Variants in ATP5MC2 observed in about 807,000 individuals in gnomAD.
ATP5MC2 encodes the protein ATP synthase F(0) complex subunit C2, mitochondrial.
In ATP5MC2, 11 loss-of-function variants were observed where a neutral mutation model predicts 13.5. The ratio of observed to expected loss-of-function variants is 0.81; its 90% confidence interval spans 0.51 to 1.35. ATP5MC2 has a LOEUF of 1.35. Among genes scored for constraint, ATP5MC2 ranks in the 40% most tolerant of loss-of-function variants. ATP5MC2 has a pLI of 0.00. For missense variants in ATP5MC2, 132 were observed against 175.0 expected (o/e 0.75, Z 1.39); for synonymous variants, 64 against 69.7 (o/e 0.92, Z 0.41).
intron 4 of ATP5MC2, 81 bp downstream of exon 4, chr12:53,669,067 A>G: frequency 1.3e-6 from 2 of 1,502,934 alleles, no homozygotes; most frequent in Non-Finnish European, 1.8e-6. Flanking sequence ...AGTGTGGGAT[A>G]GTATAGTTCT....
chr12:53,666,557 G>A lies in ATP5MC2; in HGVS notation c.312-1129C>T, dbSNP rs1944919394. ...GCAGCCACTGTACTCCAGCCTGGGCGACAGAGCAAGACTCTGTCTCAAAAA... is the reference window on the plus strand; with the variant it reads ...GCAGCCACTGTACTCCAGCCTGGGCAACAGAGCAAGACTCTGTCTCAAAAA... On this transcript the variant is annotated intron_variant, in intron 4 of 4. Coordinates refer to ENST00000394349, the MANE Select transcript of ATP5MC2 (RefSeq NM_005176.7). Among the ~76,000 whole-genome samples the A allele has an allele frequency of 4.0e-5, 6 of 148,322 alleles. No homozygotes were observed. In the South Asian group the frequency reaches 1.1e-3, roughly 26 times the overall value.
chr12:53,669,016 AAAAC>A (rs148475150), intron 4 of ATP5MC2, 128 bp downstream of exon 4: 16,729 of 1,291,238 alleles, frequency 0.013, 632 homozygotes, highest in African/African-American at 0.13. Flanking sequence ...TTACTGTCTC[AAAAC>A]AAACAAACAA....
At chr12:53,665,456 A>G in intron 4 of ATP5MC2, 28 bp from the exon 5 acceptor site, 1 of 1,539,254 alleles carries the variant, frequency 6.5e-7, no homozygotes, top group African/African-American at 1.4e-5. Context: ...GAAAAGACTG[A>G]ATTTCTAGTT....
chr12:53,670,608 G>GTTCC (rs1945067836), intron 2 of ATP5MC2, among the ~76,000 whole-genome samples: 1 of 151,736 alleles, frequency 6.6e-6, no homozygotes, highest in Non-Finnish European at 1.5e-5. Flanking sequence ...TCGAAGTATG[G>GTTCC]TTTCTTTCTT....
At chr12:53,672,748 T>A in intron 1 of ATP5MC2, 103 bp from the exon 2 acceptor site, 1 of 1,029,540 alleles carries the variant, frequency 9.7e-7, no homozygotes, top group Non-Finnish European at 1.4e-6. Context: ...CAGAAAACAG[T>A]GACTGACCTT....
chr12:53,676,101 C>T (rs371392370), upstream of ATP5MC2: 2 of 1,614,248 alleles, frequency 1.2e-6, no homozygotes, highest in South Asian at 1.1e-5. Context: ...GCGGGAAGAG[C>T]GAAAGGAAGG....
At chr12:53,673,035 G>A (rs556233012) in intron 1 of ATP5MC2, 14 of 180,024 alleles carry the variant, frequency 7.8e-5, no homozygotes, top group Non-Finnish European at 1.4e-4. Context: ...AAAAGTTGCC[G>A]TTTAGGCTGG....
At chr12:53,667,965 ATATATATATATATATATATATATATATAT>A (rs1944974750) in intron 4 of ATP5MC2, among the ~76,000 whole-genome samples, 1 of 44,226 alleles carries the variant, frequency 2.3e-5, no homozygotes, top group Non-Finnish European at 3.9e-5. Context: ...ACATATATAT[ATATATATATATATATATATATATATATAT>A]AAATTTTTTT....
At chr12:53,665,784 C>G (rs1944896812) in intron 4 of ATP5MC2, among the ~76,000 whole-genome samples, 1 of 114,380 alleles carries the variant, frequency 8.7e-6, no homozygotes, top group South Asian at 2.8e-4. Flanking sequence ...TGTTTTCAAA[C>G]TTTAAGCAGA....
chr12:53,670,026 A>C, intron 2 of ATP5MC2, 78 bp from the exon 3 acceptor site: 1 of 1,324,374 alleles, frequency 7.6e-7, no homozygotes, highest in South Asian at 1.2e-5. Context: ...ACGTTGTTAC[A>C]TCATCAGACA....
chr12:53,669,212 C>A lies in ATP5MC2; in HGVS notation c.247G>T (p.Gly83Trp). 6.2e-7 allele frequency: 1 copy of A among 1,613,988 alleles called. No homozygotes were observed. Among genetic ancestry groups the A allele is most frequent in the Non-Finnish European group, 8.5e-7 (1 of 1,179,896 alleles). ...KFIGAGAATV[G>W]VAGSGAGIGT... ...ATCCCAGCCCCAGAACCAGCCACCC[C>A]AACTGTGGCAGCCCCAGCTCCAATG... The change falls in exon 4 of 5, where the codon GGG becomes TGG. Residue 83 changes from glycine (G) to tryptophan (W), a missense_variant. Transcript: ENST00000394349.
At chr12:53,671,948 G>A (rs1248039507) in intron 2 of ATP5MC2, among the ~76,000 whole-genome samples, 1 of 151,944 alleles carries the variant, frequency 6.6e-6, no homozygotes, top group Non-Finnish European at 1.5e-5. Context: ...ACAAAAATTA[G>A]CTGGGTATGG....
intron 2 of ATP5MC2, 30 bp downstream of exon 2, chr12:53,672,546 T>G: frequency 5.2e-6 from 8 of 1,546,542 alleles, no homozygotes; most frequent in Non-Finnish European, 7.0e-6. Context: ...GTCTCTCCTT[T>G]AAAACTCTCC....
intron 4 of ATP5MC2, among the ~76,000 whole-genome samples, chr12:53,667,774 CG>C (rs1303758469): frequency 1.3e-5 from 2 of 151,618 alleles, no homozygotes; most frequent in Non-Finnish European, 2.9e-5. Context: ...GGATTATAGG[CG>C]TAAGGCACCA....
upstream of ATP5MC2, chr12:53,676,338 T>C (rs111420775): frequency 5.6e-6 from 7 of 1,256,256 alleles, no homozygotes; most frequent in Non-Finnish European, 6.5e-6. Context: ...TGCGGTTTGG[T>C]CTGTACCGCG....
intron 4 of ATP5MC2, among the ~76,000 whole-genome samples, chr12:53,666,032 G>T (rs1427709985): frequency 6.6e-6 from 1 of 152,238 alleles, no homozygotes; most frequent in African/African-American, 2.4e-5. Context: ...AATGGGCTGG[G>T]TGCGGTGGCT....
At position 53,672,649 on chromosome 12, in the gene ATP5MC2, G is replaced by C; in HGVS notation, c.-31-4C>G. On this transcript the variant is annotated splice_polypyrimidine_tract_variant and splice_region_variant and intron_variant, in intron 1 of 4. Transcript: ENST00000394349. ...GTGAGGAGCTGTGGCAGGAGAGCTG[G>C]AATTACAGAAGCAGTATTGTAAACG... 1.9e-6 allele frequency: 3 copies of C among 1,570,222 alleles called. No individual in the cohort carries two copies. Among genetic ancestry groups the C allele is most frequent in the Non-Finnish European group, 2.6e-6 (3 of 1,156,842 alleles).
At chr12:53,676,464 C>G (rs1316561348), upstream of ATP5MC2, 11 of 400,150 alleles carry the variant, frequency 2.7e-5, no homozygotes, top group East Asian at 4.6e-4. Flanking sequence ...GGTTCAGTGC[C>G]TAAAATGCAG....
upstream of ATP5MC2, chr12:53,677,361 C>T (rs935148520): frequency 2.6e-5 from 4 of 152,264 alleles, no homozygotes; most frequent in Non-Finnish European, 5.9e-5. Flanking sequence ...GCCCACGGAG[C>T]AATTTCCCGG....
Sources: gnomAD v4.1 joint callset for allele counts (sites outside exome capture counted in the v4.1 genomes callset) on GRCh38, gnomAD v4.1.1 for gene constraint, MANE v1.5 for transcripts, NCBI Gene and HGNC (gene_info 2026-07-23, HGNC 2026-07-21) for gene names.